The following GRID2 variants were observed in gnomAD, a reference collection of about 807,000 sequenced individuals.
GRID2 encodes glutamate receptor ionotropic, delta-2.
GRID2 carries 33 observed loss-of-function variants against 114.8 expected under a neutral mutation model. That is an observed-to-expected ratio of 0.29 (90% CI 0.22 to 0.38). The LOEUF (loss-of-function observed/expected upper bound fraction) is 0.38. Ranked by LOEUF, GRID2 falls within the 10% of genes least tolerant of loss-of-function variation. The pLI, the probability that GRID2 is intolerant of heterozygous loss-of-function variation, is 1.00. For missense variants in GRID2, 1,184 were observed against 1,257.7 expected, an observed-to-expected ratio of 0.94 and a Z score of 0.89; for synonymous variants, 505 against 449.9, an observed-to-expected ratio of 1.12 and a Z score of -1.55.
chr4:93,649,993 C>T (rs1335434749), intron 14 of GRID2, among the ~76,000 whole-genome samples: 2 of 152,048 alleles, frequency 1.3e-5, no homozygotes, highest in Non-Finnish European at 2.9e-5. Context: ...ATGCCTTTCC[C>T]CACCACCACC....
chr4:92,993,576 T>A (rs1365992600), intron 2 of GRID2, among the ~76,000 whole-genome samples: 1 of 152,190 alleles, frequency 6.6e-6, no homozygotes, highest in East Asian at 1.9e-4. Flanking sequence ...CTCCCATATT[T>A]CTCTTTCAAT....
In GRID2 at chr4:92,389,415, A is replaced by C. The variant is rs148791920; in HGVS notation, c.88+84671A>C. ...ACATGAATCTGATTCCCTTCACTAA[A>C]TATTCATGTGACCACCTTTTCTGAA... On this transcript the variant is annotated intron_variant, in intron 1 of 15. Transcript: ENST00000282020. Among the ~76,000 whole-genome samples, 1,391 of 152,186 alleles carry C rather than the reference A, an allele frequency of 9.1e-3. 17 individuals are homozygous for C. The highest frequency in any genetic ancestry group is 0.043 in the South Asian group (205 of 4,822).
chr4:92,836,377 T>A (rs1175353885), intron 2 of GRID2, among the ~76,000 whole-genome samples: 1 of 152,056 alleles, frequency 6.6e-6, no homozygotes, highest in African/African-American at 2.4e-5. Flanking sequence ...TAATCATGAA[T>A]GAGAATGAAA....
chr4:92,960,622 T>C (rs868450618), intron 2 of GRID2, among the ~76,000 whole-genome samples: 3 of 152,056 alleles, frequency 2.0e-5, no homozygotes, highest in East Asian at 1.9e-4. Flanking sequence ...TGTTAACTTA[T>C]ATGTATTTAT....
chr4:92,732,180 G>T (rs1299560396), intron 2 of GRID2, among the ~76,000 whole-genome samples: 1 of 151,834 alleles, frequency 6.6e-6, no homozygotes, highest in Non-Finnish European at 1.5e-5. Flanking sequence ...ATTTCATCAG[G>T]AGTAAATGTG....
chr4:93,634,737 T>G (rs1396918392), intron 14 of GRID2, among the ~76,000 whole-genome samples: 1 of 152,048 alleles, frequency 6.6e-6, no homozygotes, highest in Non-Finnish European at 1.5e-5. Flanking sequence ...TTGCAAGTAT[T>G]CTAGCTGGGA....
chr4:93,701,346 C>T (rs1330929274), intron 14 of GRID2, among the ~76,000 whole-genome samples: 1 of 152,078 alleles, frequency 6.6e-6, no homozygotes, highest in Non-Finnish European at 1.5e-5. Flanking sequence ...ACTTCAAAAT[C>T]AGTTGTGTCT....
At chr4:93,791,344 T>C (rs1734690479) in intron 1 of GRID2, among the ~76,000 whole-genome samples, 1 of 152,214 alleles carries the variant, frequency 6.6e-6, no homozygotes, top group African/African-American at 2.4e-5. Flanking sequence ...TATGTTTTGA[T>C]CTTAAATATG....
chr4:93,225,014 C>T lies in GRID2; in HGVS notation c.1125+239C>T, dbSNP rs141298495. The stretch of plus-strand genomic sequence containing the variant: ...AAAAAAAATTGTGGTTGAGATATAC[C>T]CACTTGACTATGTCATTAGCATTAG... On this transcript the variant is annotated intron_variant, in intron 7 of 15. Coordinates refer to ENST00000282020, the MANE Select transcript of GRID2 (RefSeq NM_001510.4). Among the ~76,000 whole-genome samples the T allele has an allele frequency of 3.7e-3, 567 of 151,618 alleles. 5 individuals carry two copies. The highest frequency in any genetic ancestry group is 0.013 in the African/African-American group (534 of 41,342).
chr4:93,768,314 CTT>C (rs988376294), intron 14 of GRID2, among the ~76,000 whole-genome samples: 27 of 152,346 alleles, frequency 1.8e-4, no homozygotes, highest in African/African-American at 6.3e-4. Context: ...TCTGATCTTC[CTT>C]GCCCTGTGAA....
chr4:93,393,828 T>A (rs1765079587), intron 8 of GRID2, among the ~76,000 whole-genome samples: 1 of 151,934 alleles, frequency 6.6e-6, no homozygotes, highest in Non-Finnish European at 1.5e-5. Context: ...AAACTGACAA[T>A]AGGTTCACCA....
At chr4:93,210,762 T>C (rs538127341) in intron 5 of GRID2, among the ~76,000 whole-genome samples, 1 of 152,192 alleles carries the variant, frequency 6.6e-6, no homozygotes, top group Admixed American at 6.6e-5. Context: ...CTTTATGGTT[T>C]ATATTTTTGA....
intron 2 of GRID2, among the ~76,000 whole-genome samples, chr4:92,777,489 G>C (rs565876380): frequency 6.6e-6 from 1 of 152,144 alleles, no homozygotes; most frequent in South Asian, 2.1e-4. Flanking sequence ...TCAAGGATCT[G>C]ATACTACTAC....
intron 8 of GRID2, among the ~76,000 whole-genome samples, chr4:93,361,491 T>C (rs1761876012): frequency 6.6e-6 from 1 of 150,400 alleles, no homozygotes; most frequent in African/African-American, 2.4e-5. Flanking sequence ...TTATTATTAT[T>C]ATTATTATTT....
At chr4:93,093,251 G>A (rs1489481475) in intron 3 of GRID2, among the ~76,000 whole-genome samples, 2 of 152,028 alleles carry the variant, frequency 1.3e-5, no homozygotes, top group South Asian at 2.1e-4. Context: ...TTTCAGTTAA[G>A]AGTCCATTAG....
chr4:93,231,829 C>T (rs1416421639), intron 7 of GRID2, among the ~76,000 whole-genome samples: 1 of 152,170 alleles, frequency 6.6e-6, no homozygotes, highest in Non-Finnish European at 1.5e-5. Context: ...AGTGCTCTCT[C>T]AGTAGCACTT....
intron 8 of GRID2, among the ~76,000 whole-genome samples, chr4:93,394,172 A>C (rs1765110870): frequency 6.6e-6 from 1 of 151,970 alleles, no homozygotes. Context: ...TAAAGTTTTA[A>C]ATATGGCAAG....
At chr4:93,330,624 C>T (rs1378743083) in intron 8 of GRID2, among the ~76,000 whole-genome samples, 1 of 151,880 alleles carries the variant, frequency 6.6e-6, no homozygotes, top group Non-Finnish European at 1.5e-5. Flanking sequence ...TCAGTTCTAC[C>T]CTACTCTTCA....
intron 13 of GRID2, among the ~76,000 whole-genome samples, chr4:93,576,375 C>T (rs771479514): frequency 3.9e-5 from 6 of 152,080 alleles, no homozygotes; most frequent in African/African-American, 7.2e-5. Context: ...AAACAAAATC[C>T]GCTGACAAAA....
Sources: allele counts gnomAD v4.1 joint callset (sites outside exome capture counted in the v4.1 genomes callset), GRCh38; gene constraint gnomAD v4.1.1; transcripts MANE v1.5; gene names NCBI Gene and HGNC (gene_info 2026-07-23, HGNC 2026-07-21).